Variants in CPAMD8 observed in about 807,000 individuals in gnomAD.
CPAMD8 encodes the protein C3 and PZP like alpha-2-macroglobulin domain containing 8.
Under a neutral mutation model 224.7 loss-of-function variants are expected in CPAMD8, and 146 were observed. The ratio of observed to expected loss-of-function variants is 0.65; its 90% CI spans 0.57 to 0.75. The LOEUF (loss-of-function observed/expected upper bound fraction) is 0.75. Among genes scored for constraint, CPAMD8 ranks in the 30% least tolerant of loss-of-function variants. The probability of loss-of-function intolerance (pLI) is 0.00; values close to 1 mark genes in which losing one functional copy is unlikely to be tolerated. For synonymous variants in CPAMD8, 966 were observed against 1,044.6 expected, an observed-to-expected ratio of 0.92 and a Z score of 1.45; for missense variants, 2,301 against 2,537.5, an observed-to-expected ratio of 0.91 and a Z score of 2.00.
intron 20 of CPAMD8, among the ~76,000 whole-genome samples, chr19:16,949,182 G>C (rs927139772): frequency 2.6e-5 from 4 of 151,970 alleles, no homozygotes; most frequent in Non-Finnish European, 5.9e-5. Context: ...GAATGGGTAT[G>C]TTTTCTCTGT....
intron 41 of CPAMD8, chr19:16,895,062 A>G (rs535550236): frequency 2.4e-4 from 37 of 155,958 alleles, no homozygotes; most frequent in African/African-American, 7.9e-4. Context: ...GCAGTGAGCC[A>G]TGACCACGCC....
chr19:16,946,665 T>C (rs923835331), intron 21 of CPAMD8, among the ~76,000 whole-genome samples: 12 of 149,386 alleles, frequency 8.0e-5, no homozygotes, highest in African/African-American at 2.7e-4. Context: ...TGGATTTGTG[T>C]GTGTGTATAT....
intron 27 of CPAMD8, among the ~76,000 whole-genome samples, chr19:16,920,371 T>A (rs1260851883): frequency 6.6e-6 from 1 of 151,904 alleles, no homozygotes; most frequent in Non-Finnish European, 1.5e-5. Flanking sequence ...TCCCAGCTAC[T>A]CGGGAGGCTG....
intron 23 of CPAMD8, among the ~76,000 whole-genome samples, chr19:16,930,105 A>G (rs1183513785): frequency 2.6e-5 from 4 of 152,062 alleles, no homozygotes; most frequent in Non-Finnish European, 5.9e-5. Flanking sequence ...AAAGACAAAA[A>G]TTAGTCGGGC....
rs770465492 is a variant in CPAMD8 at position 16,904,191 on chromosome 19, C to T, written c.4251+35G>A. On this transcript the variant is annotated intron_variant, in intron 32 of 41. Transcript: ENST00000443236. The stretch of plus-strand genomic sequence containing the variant: ...GACTGCAGGGACCCCACCCACCCAG[C>T]CCTGAGCCCCTCCCTCTGGCCCTGC... The T allele has an allele frequency of 6.0e-6, 9 of 1,504,182 alleles. No homozygotes were observed. In the Admixed American group the frequency reaches 1.1e-4, roughly 18 times the overall value. The allele number at this position is 1,504,182 out of a possible 1,614,324, so 93.2% of individuals were successfully genotyped here. A position where few individuals can be genotyped will look rare whatever the true frequency, so the allele number is the denominator to read the frequency against.
intron 19 of CPAMD8, among the ~76,000 whole-genome samples, chr19:16,954,754 G>T (rs2054409407): frequency 6.6e-6 from 1 of 152,214 alleles, no homozygotes; most frequent in Non-Finnish European, 1.5e-5. Context: ...GGAGGCCGAG[G>T]GGGGTGGATC....
intron 19 of CPAMD8, among the ~76,000 whole-genome samples, chr19:16,952,634 G>A (rs897941439): frequency 2.0e-5 from 3 of 152,100 alleles, no homozygotes; most frequent in Non-Finnish European, 2.9e-5. Context: ...CTGTGATCCC[G>A]CCACTGCAGT....
intron 18 of CPAMD8, among the ~76,000 whole-genome samples, chr19:16,960,263 A>G (rs2054608525): frequency 6.6e-6 from 1 of 152,078 alleles, no homozygotes; most frequent in African/African-American, 2.4e-5. Flanking sequence ...AAATGCTCCT[A>G]TCCTTTCAAC....
intron 13 of CPAMD8, among the ~76,000 whole-genome samples, chr19:16,987,720 G>A (rs1243960704): frequency 6.6e-6 from 1 of 152,096 alleles, no homozygotes; most frequent in Non-Finnish European, 1.5e-5. Context: ...GCACGATCAT[G>A]TTTCACTGCG....
At chr19:16,906,412 TTC>T (rs1568459964) in intron 30 of CPAMD8, among the ~76,000 whole-genome samples, 1 of 80,598 alleles carries the variant, frequency 1.2e-5, no homozygotes, top group Admixed American at 1.3e-4. Context: ...CTTTCTTTCC[TTC>T]CTTCCTTCCT....
rs1372121480 is a variant in CPAMD8 at position 17,008,561 on chromosome 19, T to C, written c.505-2A>G. ...TATCATCCGAGAGCCTCGGGGGTCC[T>C]GTTGGTGGTGGAGGGGGACAGACAC... is the stretch of plus-strand genomic sequence containing the variant. On this transcript the variant is annotated splice_acceptor_variant, in intron 6 of 41. Coordinates refer to ENST00000443236, the MANE Select transcript of CPAMD8 (RefSeq NM_015692.5). LOFTEE classifies it high-confidence loss of function. The C allele has an allele frequency of 1.2e-6, 2 of 1,614,016 alleles. No homozygotes were observed. The highest frequency in any genetic ancestry group is 4.5e-5 in the East Asian group (2 of 44,872).
At chr19:16,946,584 C>T (rs540046126) in intron 21 of CPAMD8, among the ~76,000 whole-genome samples, 12 of 111,336 alleles carry the variant, frequency 1.1e-4, no homozygotes, top group South Asian at 9.4e-4. Flanking sequence ...TGTATATGCA[C>T]GTCTACACGT....
chr19:16,909,467 C>T (rs561094280), intron 29 of CPAMD8, among the ~76,000 whole-genome samples: 1 of 152,236 alleles, frequency 6.6e-6, no homozygotes, highest in Non-Finnish European at 1.5e-5. Context: ...TGGCATGAAC[C>T]TGGGAGGCGG....
chr19:16,903,918 A>C, intron 32 of CPAMD8, 61 bp from the exon 33 acceptor site: 1 of 1,533,350 alleles, frequency 6.5e-7, no homozygotes, highest in South Asian at 1.1e-5. Flanking sequence ...TGGTCCCCTG[A>C]ACCCCGTCTT....
intron 15 of CPAMD8, among the ~76,000 whole-genome samples, chr19:16,976,610 G>A (rs772600227): frequency 7.2e-5 from 11 of 151,996 alleles, no homozygotes; most frequent in Admixed American, 2.0e-4. Context: ...ACCTGGCCTC[G>A]CTACCTGGGT....
At chr19:16,977,192 C>T (rs1482782733) in intron 15 of CPAMD8, among the ~76,000 whole-genome samples, 176 bp downstream of exon 15, 1 of 152,110 alleles carries the variant, frequency 6.6e-6, no homozygotes, top group Non-Finnish European at 1.5e-5. Flanking sequence ...ATGCAATCTC[C>T]TTTTGTGTGA....
chr19:16,949,883 ACAGCTCCACCACT>A (rs1042308641), intron 20 of CPAMD8, among the ~76,000 whole-genome samples: 2 of 152,044 alleles, frequency 1.3e-5, no homozygotes, highest in African/African-American at 4.8e-5. Context: ...ATTCTAACAC[ACAGCTCCACCACT>A]CACTCCCTGG....
Position 16,898,467 on chromosome 19 carries a change from C to G in CPAMD8, c.4849-473G>C, listed in dbSNP as rs2052120891. 6.6e-6 allele frequency among the ~76,000 whole-genome samples: 1 copy of G among 152,136 alleles called. No homozygotes were observed. The highest frequency in any genetic ancestry group is 1.5e-5 in the Non-Finnish European group (1 of 68,012). ...CTCAGGTGGCCTCTGAAACACCACT[C>G]CTTTTTGTGTGTGTGCACGCATGGC... On this transcript the variant is annotated intron_variant, in intron 37 of 41. Coordinates refer to ENST00000443236, the MANE Select transcript of CPAMD8 (RefSeq NM_015692.5). The surrounding 1 kb of genome is among the most constrained non-coding windows in gnomAD (Gnocchi z 4.2).
chr19:16,925,327 C>T lies in CPAMD8; in HGVS notation c.3416G>A (p.Arg1139Gln), dbSNP rs763006386. 21 of 1,614,076 alleles carry T rather than the reference C, an allele frequency of 1.3e-5. No homozygotes were observed. The highest frequency in any genetic ancestry group is 6.7e-5 in the African/African-American group (5 of 74,922). The change falls in exon 26 of 42, where the codon CGG (arginine) becomes CAG (glutamine). Residue 1139 changes from arginine to glutamine, a missense_variant. Physicochemically the swap from Arg to Gln is conservative, Grantham distance 43 (BLOSUM62 1). This residue lies in a region of CPAMD8 where 1,709 missense variants were observed against 1,753.2 expected (regional missense o/e 0.97). Transcript: ENST00000443236. ...PTLNHLNNLL[R>Q]LPFGCGEQNM... The stretch of plus-strand genomic sequence containing the variant: ...CTGCTCTCCACAGCCAAACGGCAGC[C>T]GCAGGAGGTTGTTGAGGTGGTTCAG...
Sources: gnomAD v4.1 joint callset for allele counts (sites outside exome capture counted in the v4.1 genomes callset) on GRCh38, gnomAD v4.1.1 for gene constraint, gnomAD v4.1.1 regional missense constraint, Gnocchi (gnomAD v3.1) non-coding constraint, MANE v1.5 for transcripts, NCBI Gene and HGNC (gene_info 2026-07-23, HGNC 2026-07-21) for gene names.